ABCA1: variants seen among roughly 807,000 people sequenced by gnomAD.
The protein encoded by ABCA1 is ATP binding cassette subfamily A member 1.
A neutral mutation model predicts 262.5 loss-of-function variants in ABCA1; 133 were observed. The ratio of observed to expected loss-of-function variants is 0.51; its 90% CI spans 0.44 to 0.59. ABCA1 has a LOEUF of 0.59. Ranked by LOEUF, ABCA1 falls within the 20% of genes least tolerant of loss-of-function variation. The probability of loss-of-function intolerance (pLI) is 0.00; values close to 1 mark genes in which losing one functional copy is unlikely to be tolerated. For missense variants in ABCA1, 2,452 were observed against 2,777.5 expected (o/e 0.88, Z 2.63); for synonymous variants, 1,022 against 1,043.5 (o/e 0.98, Z 0.40).
chr9:104,860,745 T>C (rs1307329416), intron 6 of ABCA1, among the ~76,000 whole-genome samples: 2 of 149,472 alleles, frequency 1.3e-5, no homozygotes, highest in African/African-American at 5.0e-5. Flanking sequence ...TTTCCTGATT[T>C]TATAAAATTC....
In ABCA1 at chr9:104,908,568, G is replaced by T. The variant is rs556134842; in HGVS notation, c.-92-4797C>A. ...TGTAATCCCAGCTACTCAGGAGGCA[G>T]GAGAATTGCTTGAACCTGGGAGGCG... On this transcript the variant is annotated intron_variant, in intron 1 of 49. Transcript: ENST00000374736. Among the ~76,000 whole-genome samples, 3 of 152,340 alleles carry T rather than the reference G, an allele frequency of 2.0e-5. No homozygotes were observed. The South Asian group carries it at 6.2e-4, about 32-fold the overall frequency.
Position 104,781,754 on chromosome 9 carries a change from T to C in ABCA1, c.*2561A>G, listed in dbSNP as rs962029262. The C allele has an allele frequency of 6.6e-6, 1 of 152,594 alleles. No homozygotes were observed. Among genetic ancestry groups the C allele is most frequent in the African/African-American group, 2.4e-5 (1 of 41,464 alleles). 9.5% of individuals were successfully genotyped at this position (152,594 alleles called of 1,614,324 possible). The stretch of plus-strand genomic sequence containing the variant: ...TAAGTTTTCTGAGGTGTCCCAAAGA[T>C]GCAAAAGCAGAAATTTTTGAACACG... On this transcript the variant is annotated 3_prime_UTR_variant, in exon 50 of 50. Transcript: ENST00000374736.
chr9:104,829,219 A>G, intron 14 of ABCA1, 81 bp from the exon 15 acceptor site: 4 of 1,405,352 alleles, frequency 2.8e-6, no homozygotes, highest in Non-Finnish European at 4.0e-6. Flanking sequence ...CTGAGCCTGC[A>G]TGCTAGAGGG....
intron 11 of ABCA1, among the ~76,000 whole-genome samples, chr9:104,834,857 G>T (rs527721905): frequency 1.1e-4 from 17 of 152,300 alleles, no homozygotes; most frequent in African/African-American, 3.1e-4. Flanking sequence ...AGCTACCCCA[G>T]CAGAAGCAGA....
intron 25 of ABCA1, among the ~76,000 whole-genome samples, chr9:104,815,372 G>A (rs1401796165): frequency 2.0e-5 from 3 of 152,134 alleles, no homozygotes; most frequent in Non-Finnish European, 4.4e-5. Context: ...ATATCCCCAG[G>A]TGATTCTGCT....
intron 45 of ABCA1, 74 bp downstream of exon 45, chr9:104,788,352 G>A (rs528828851): frequency 6.5e-5 from 104 of 1,600,796 alleles, no homozygotes; most frequent in South Asian, 3.6e-4. Context: ...AAGTCAATGC[G>A]TGTGGAAAAG....
chr9:104,798,492 C>T lies in ABCA1; in HGVS notation c.5050G>A (p.Ala1684Thr). The T allele has an allele frequency of 6.2e-7, 1 of 1,614,222 alleles. No individual in the cohort carries two copies. Among genetic ancestry groups the T allele is most frequent in the African/African-American group, 1.3e-5 (1 of 75,062 alleles). The change falls in exon 37 of 50, where the codon GCA becomes ACA. Residue 1684 changes from alanine to threonine, a missense_variant. This residue lies in a region of ABCA1 where 752 missense variants were observed against 944.5 expected (regional missense o/e 0.80). Coordinates refer to ENST00000374736, the MANE Select transcript of ABCA1 (RefSeq NM_005502.4). ...VFLIQERVSK[A>T]KHLQFISGVK... is the part of the protein sequence containing the mutation. ...CCACTGATGAACTGCAGGTGTTTTG[C>T]TTTGCTGACCCGCTCCTGGATCAGG... is the stretch of plus-strand genomic sequence containing the variant.
Position 104,858,649 on chromosome 9 carries a change from G to A in ABCA1, c.593C>T (p.Ser198Leu). ...AAGTTGAATCATCTCTTCTGATTTTGATCCATTGCACAGACTTGTCAAATG... is the reference window on the plus strand; with the variant it reads ...AAGTTGAATCATCTCTTCTGATTTTAATCCATTGCACAGACTTGTCAAATG... ...QLHLTSLCNG[S>L]KSEEMIQLGD... Residue 198 changes from serine (S) to leucine (L), a missense_variant, in exon 7 of 50, where the codon TCA (serine) becomes TTA (leucine). Ser to Leu is a moderately radical substitution (Grantham distance 145). Coordinates refer to ENST00000374736, the MANE Select transcript of ABCA1 (RefSeq NM_005502.4). The A allele has an allele frequency of 6.2e-7, 1 of 1,614,154 alleles. No homozygotes were observed. Among genetic ancestry groups the A allele is most frequent in the South Asian group, 1.1e-5 (1 of 91,068 alleles).
intron 19 of ABCA1, among the ~76,000 whole-genome samples, chr9:104,822,221 C>T (rs1160799074): frequency 6.6e-6 from 1 of 152,170 alleles, no homozygotes; most frequent in South Asian, 2.1e-4. Context: ...TCTATCTTTT[C>T]GTGGCTGCAG....
intron 8 of ABCA1, among the ~76,000 whole-genome samples, chr9:104,843,071 T>C (rs898936861): frequency 6.6e-6 from 1 of 152,182 alleles, no homozygotes; most frequent in Non-Finnish European, 1.5e-5. Context: ...AACTGTCACC[T>C]TAGAGAGAGC....
At chr9:104,846,631 A>G (rs896829553) in intron 7 of ABCA1, among the ~76,000 whole-genome samples, 1 of 152,194 alleles carries the variant, frequency 6.6e-6, no homozygotes, top group Non-Finnish European at 1.5e-5. Flanking sequence ...TCTGATCATC[A>G]CAATATCCAA....
Position 104,831,673 on chromosome 9 carries a change from T to G in ABCA1, c.1664A>C (p.Lys555Thr). 1 of 1,614,226 alleles carries G rather than the reference T, an allele frequency of 6.2e-7. No individual in the cohort carries two copies. Among genetic ancestry groups the G allele is most frequent in the Non-Finnish European group, 8.5e-7 (1 of 1,180,048 alleles). ...SIELPHHVKYKIRMDIDNVER... is the reference protein window; with the variant it reads ...SIELPHHVKYTIRMDIDNVER... ...CACATTGTCAATGTCCATTCGGATC[T>G]TGTACTTGACATGATGGGGCAGCTC... Residue 555 changes from lysine (K) to threonine (T), a missense_variant, in exon 13 of 50, where the codon AAG (lysine) becomes ACG (threonine). By Grantham distance (78) the Lys-to-Thr change is moderately conservative. Coordinates refer to ENST00000374736, the MANE Select transcript of ABCA1 (RefSeq NM_005502.4).
chr9:104,891,313 A>G (rs1839722757), intron 2 of ABCA1, among the ~76,000 whole-genome samples: 1 of 152,164 alleles, frequency 6.6e-6, no homozygotes, highest in South Asian at 2.1e-4. Flanking sequence ...GCCTGTAATC[A>G]CTTTGTGAGG....
chr9:104,911,133 A>G (rs545388245), intron 1 of ABCA1, among the ~76,000 whole-genome samples: 1 of 152,342 alleles, frequency 6.6e-6, no homozygotes, highest in East Asian at 1.9e-4. Context: ...TTGCCAGTAA[A>G]CTACAAAGCA....
chr9:104,859,974 A>G (rs1836199162), intron 6 of ABCA1, among the ~76,000 whole-genome samples: 1 of 151,282 alleles, frequency 6.6e-6, no homozygotes, highest in Admixed American at 6.6e-5. Flanking sequence ...GAATCACTTG[A>G]ACCTGGGAGG....
At chr9:104,799,258 T>A (rs1830136177) in intron 36 of ABCA1, among the ~76,000 whole-genome samples, 1 of 152,048 alleles carries the variant, frequency 6.6e-6, no homozygotes, top group Admixed American at 6.6e-5. Flanking sequence ...CTGTGCTGAG[T>A]GCTGGGCTTG....
intron 7 of ABCA1, among the ~76,000 whole-genome samples, chr9:104,848,807 C>T (rs1835125571): frequency 6.6e-6 from 1 of 152,050 alleles, no homozygotes; most frequent in South Asian, 2.1e-4. Context: ...GTGTCTGGTC[C>T]GCATACTACA....
chr9:104,809,154 G>A (rs1413592909), intron 30 of ABCA1, among the ~76,000 whole-genome samples: 1 of 152,214 alleles, frequency 6.6e-6, no homozygotes, highest in African/African-American at 2.4e-5. Context: ...CAGGGGCTGG[G>A]AGAGAAAGAA....
At chr9:104,861,295 T>C (rs1394948791) in intron 6 of ABCA1, 2 of 346,360 alleles carry the variant, frequency 5.8e-6, no homozygotes, top group Non-Finnish European at 1.1e-5. Flanking sequence ...TAAAGTCTCC[T>C]GTCCTCAATT....
Sources: allele counts gnomAD v4.1 joint callset (sites outside exome capture counted in the v4.1 genomes callset), GRCh38; gene constraint gnomAD v4.1.1; regional missense constraint gnomAD v4.1.1; transcripts MANE v1.5; gene names NCBI Gene and HGNC (gene_info 2026-07-23, HGNC 2026-07-21).